The following COL11A1 variants were observed in gnomAD, a reference collection of about 807,000 sequenced individuals.
COL11A1 encodes the protein collagen type XI alpha 1 chain.
In COL11A1, 74 loss-of-function variants were observed where a neutral mutation model predicts 265.2. The ratio of observed to expected loss-of-function variants is 0.28; its 90% CI spans 0.23 to 0.34. The LOEUF is 0.34. Ranked by LOEUF, COL11A1 falls within the 10% of genes least tolerant of loss-of-function variation. The probability of loss-of-function intolerance (pLI) is 1.00; values close to 1 mark genes in which losing one functional copy is unlikely to be tolerated. For synonymous variants in COL11A1, 816 were observed against 727.6 expected, an observed-to-expected ratio of 1.12 and a Z score of -1.96; for missense variants, 2,165 against 2,263.6, an observed-to-expected ratio of 0.96 and a Z score of 0.88.
chr1:102,988,876 C>T (rs1663839865), intron 29 of COL11A1, among the ~76,000 whole-genome samples: 1 of 151,984 alleles, frequency 6.6e-6, no homozygotes, highest in African/African-American at 2.4e-5. Context: ...GTTATTGCCC[C>T]CAATCCTGCA....
intron 24 of COL11A1, 34 bp downstream of exon 24, chr1:103,001,891 C>T: frequency 6.2e-7 from 1 of 1,606,192 alleles, no homozygotes; most frequent in Non-Finnish European, 8.5e-7. Flanking sequence ...CAAACATGTT[C>T]ACCAGGCTTT....
chr1:103,070,142 T>C (rs1671463179), intron 4 of COL11A1, among the ~76,000 whole-genome samples: 1 of 150,944 alleles, frequency 6.6e-6, no homozygotes, highest in Non-Finnish European at 1.5e-5. Flanking sequence ...GTAACACAAA[T>C]GCCCACTAAT....
chr1:102,942,822 C>T (rs1391181561), intron 42 of COL11A1, among the ~76,000 whole-genome samples: 1 of 152,024 alleles, frequency 6.6e-6, no homozygotes, highest in Non-Finnish European at 1.5e-5. Flanking sequence ...AATGATTATT[C>T]TGAACACTTC....
chr1:103,007,733 G>C (rs1572515), intron 15 of COL11A1, among the ~76,000 whole-genome samples: 90,589 of 151,626 alleles, frequency 0.6, 29,990 homozygotes, highest in East Asian at 0.91. Context: ...GGTGGCGCAT[G>C]CCTGTAGTCC....
At chr1:102,911,938 CTT>C (rs1383383242) in intron 54 of COL11A1, among the ~76,000 whole-genome samples, 1 of 152,144 alleles carries the variant, frequency 6.6e-6, no homozygotes, top group Non-Finnish European at 1.5e-5. Context: ...GTGGAAAGCT[CTT>C]TAAGTAGAAG....
At chr1:103,002,034 C>A (rs775231653) in intron 23 of COL11A1, 65 bp from the exon 24 acceptor site, 2 of 1,332,174 alleles carry the variant, frequency 1.5e-6, no homozygotes, top group Non-Finnish European at 2.2e-6. Context: ...TTTAAAACAG[C>A]AAATTATTAG....
chr1:102,986,460 G>GC (rs1486888319), intron 30 of COL11A1, among the ~76,000 whole-genome samples: 2 of 151,496 alleles, frequency 1.3e-5, no homozygotes, highest in Non-Finnish European at 2.9e-5. Flanking sequence ...TATACCTAAT[G>GC]TAAATGAAGA....
At chr1:102,988,071 A>G (rs1259577026) in intron 29 of COL11A1, among the ~76,000 whole-genome samples, 1 of 152,136 alleles carries the variant, frequency 6.6e-6, no homozygotes, top group Non-Finnish European at 1.5e-5. Context: ...CGAAAGTTAC[A>G]ATGTTTATAA....
chr1:102,990,443 A>G (rs538560936), intron 28 of COL11A1, among the ~76,000 whole-genome samples: 1 of 152,088 alleles, frequency 6.6e-6, no homozygotes, highest in African/African-American at 2.4e-5. Flanking sequence ...GGAATTAATA[A>G]TATCCTTTAC....
chr1:103,057,188 T>C (rs1053194274), intron 4 of COL11A1, among the ~76,000 whole-genome samples: 1 of 152,204 alleles, frequency 6.6e-6, no homozygotes, highest in Non-Finnish European at 1.5e-5. Flanking sequence ...TTATATAATA[T>C]TCTAAATCCT....
At position 103,006,274 on chromosome 1, in the gene COL11A1, T is replaced by C. The variant is rs2101854481; in HGVS notation, c.1725A>G (p.Lys575=). ...GVQGPPGPTG[K]PGKRGRPGAD... ...AAATAAGCCATACCCTTTTTCCAGG[T>C]TTTCCCGTTGGACCAGGGGGACCCT... The change falls in exon 16 of 67, where the codon AAA becomes AAG. Residue 575 remains lysine (K), a synonymous_variant. Transcript: ENST00000370096. The C allele has an allele frequency of 1.2e-6, 2 of 1,608,866 alleles. No individual in the cohort carries two copies. Among genetic ancestry groups the C allele is most frequent in the Non-Finnish European group, 8.5e-7 (1 of 1,177,416 alleles).
chr1:103,093,757 A>G (rs1222763973), intron 1 of COL11A1, among the ~76,000 whole-genome samples: 1 of 152,124 alleles, frequency 6.6e-6, no homozygotes, highest in Non-Finnish European at 1.5e-5. Context: ...ATATTGGACA[A>G]TGCCCCTGGC....
At chr1:103,042,036 A>G (rs1668850622) in intron 4 of COL11A1, among the ~76,000 whole-genome samples, 1 of 152,074 alleles carries the variant, frequency 6.6e-6, no homozygotes, top group Admixed American at 6.6e-5. Flanking sequence ...TAAATAAGAT[A>G]GTAATTATAT....
intron 44 of COL11A1, among the ~76,000 whole-genome samples, chr1:102,935,747 A>G (rs1658070833): frequency 6.6e-6 from 1 of 152,204 alleles, no homozygotes; most frequent in Admixed American, 6.5e-5. Context: ...CAGGCATTAA[A>G]GAAATAAAAC....
At chr1:102,967,458 T>C (rs1022486947) in intron 37 of COL11A1, among the ~76,000 whole-genome samples, 1 of 151,968 alleles carries the variant, frequency 6.6e-6, no homozygotes, top group Non-Finnish European at 1.5e-5. Flanking sequence ...GAAAGGATGG[T>C]CTCGATCTCC....
intron 46 of COL11A1, among the ~76,000 whole-genome samples, chr1:102,930,701 G>A (rs1185772084): frequency 6.6e-5 from 10 of 152,084 alleles, no homozygotes; most frequent in Admixed American, 2.0e-4. Context: ...GGTAGAATTC[G>A]GCTGTGAATC....
intron 57 of COL11A1, among the ~76,000 whole-genome samples, chr1:102,894,017 A>T (rs1652083339): frequency 6.6e-6 from 1 of 152,196 alleles, no homozygotes; most frequent in Non-Finnish European, 1.5e-5. Flanking sequence ...AATACTAAAT[A>T]ATCTTTTTTG....
chr1:103,096,345 A>T (rs1673763168), intron 1 of COL11A1, among the ~76,000 whole-genome samples: 1 of 152,022 alleles, frequency 6.6e-6, no homozygotes, highest in African/African-American at 2.4e-5. Flanking sequence ...GGAGTTGCTG[A>T]TAGGTAGAAA....
intron 4 of COL11A1, among the ~76,000 whole-genome samples, chr1:103,073,572 G>T (rs1370922795): frequency 2.0e-5 from 3 of 151,720 alleles, no homozygotes; most frequent in African/African-American, 7.3e-5. Context: ...AATATTTTAT[G>T]TAGAATTAAA....
Sources: allele counts gnomAD v4.1 joint callset (sites outside exome capture counted in the v4.1 genomes callset), GRCh38; gene constraint gnomAD v4.1.1; transcripts MANE v1.5; gene names NCBI Gene and HGNC (gene_info 2026-07-23, HGNC 2026-07-21).